Variants in PRKN observed in about 807,000 individuals in gnomAD.
PRKN encodes the protein E3 ubiquitin-protein ligase parkin.
PRKN carries 56 observed loss-of-function variants against 59.5 expected under a neutral mutation model. That is an observed-to-expected ratio of 0.94 (90% CI 0.76 to 1.18). PRKN has a LOEUF of 1.18. Among genes scored for constraint, PRKN ranks in the 50% most tolerant of loss-of-function variants. The probability of loss-of-function intolerance (pLI) is 0.00; values close to 1 mark genes in which losing one functional copy is unlikely to be tolerated. For synonymous variants in PRKN, 250 were observed against 222.1 expected, an observed-to-expected ratio of 1.13 and a Z score of -1.12; for missense variants, 657 against 596.4, an observed-to-expected ratio of 1.10 and a Z score of -1.06.
intron 6 of PRKN, among the ~76,000 whole-genome samples, chr6:161,962,052 G>A (rs375895671): frequency 2.6e-5 from 4 of 152,126 alleles, no homozygotes; most frequent in South Asian, 2.1e-4. Context: ...AACACACCAC[G>A]GCCCTTGCTG....
At chr6:161,615,611 G>A (rs971440625) in intron 7 of PRKN, among the ~76,000 whole-genome samples, 1 of 152,256 alleles carries the variant, frequency 6.6e-6, no homozygotes, top group African/African-American at 2.4e-5. Context: ...AAAGGCTGTG[G>A]CAGCAACGTG....
intron 5 of PRKN, among the ~76,000 whole-genome samples, chr6:162,016,288 C>T (rs939315657): frequency 6.6e-6 from 1 of 152,064 alleles, no homozygotes; most frequent in African/African-American, 2.4e-5. Context: ...CTTGAAAATA[C>T]AGGCCGATTA....
In PRKN at chr6:162,727,426, A is replaced by C. The variant is rs962989000; in HGVS notation, c.7+236T>G. On this transcript the variant is annotated intron_variant, in intron 1 of 11. Transcript: ENST00000366898. Reference sequence around the variant, plus strand: ...TGGCGTCCCCGTCGAGGCGGTCTTCATGAGAACGCTCAGAGCAGGGGCGGG... The same window carrying C: ...TGGCGTCCCCGTCGAGGCGGTCTTCCTGAGAACGCTCAGAGCAGGGGCGGG... 8 of 505,564 alleles carry C rather than the reference A, an allele frequency of 1.6e-5. No homozygotes were observed. In the Admixed American group the frequency reaches 3.2e-4, roughly 20 times the overall value. 31.3% of individuals were successfully genotyped at this position (505,564 alleles called of 1,614,324 possible). A position where few individuals can be genotyped will look rare whatever the true frequency, so the allele number is the denominator to read the frequency against.
chr6:162,034,632 CTT>C (rs965912500), intron 5 of PRKN, among the ~76,000 whole-genome samples: 1 of 152,184 alleles, frequency 6.6e-6, no homozygotes, highest in Non-Finnish European at 1.5e-5. Flanking sequence ...TGTTAACACA[CTT>C]TTCCAAGTAG....
intron 6 of PRKN, among the ~76,000 whole-genome samples, chr6:161,938,722 T>G (rs1036776784): frequency 1.3e-5 from 2 of 152,256 alleles, no homozygotes; most frequent in African/African-American, 4.8e-5. Flanking sequence ...TTACAGTGTT[T>G]GAGCCACTGT....
chr6:161,695,678 G>T (rs940685497), intron 7 of PRKN, among the ~76,000 whole-genome samples: 1 of 152,176 alleles, frequency 6.6e-6, no homozygotes, highest in Admixed American at 6.5e-5. Context: ...TTTCCTGTAA[G>T]TCTGAGATCT....
intron 9 of PRKN, among the ~76,000 whole-genome samples, chr6:161,425,199 A>G (rs767707867): frequency 1.3e-5 from 2 of 152,144 alleles, no homozygotes; most frequent in Non-Finnish European, 2.9e-5. Flanking sequence ...TGACCCCACT[A>G]GTCTTGGAAG....
At chr6:161,493,689 C>A (rs542499078) in intron 9 of PRKN, among the ~76,000 whole-genome samples, 21 of 152,328 alleles carry the variant, frequency 1.4e-4, no homozygotes, top group Non-Finnish European at 2.8e-4. Context: ...AGTCACTGCT[C>A]TTCTTTGAGT....
At chr6:161,725,293 AC>A (rs1355873520) in intron 7 of PRKN, among the ~76,000 whole-genome samples, 1 of 152,234 alleles carries the variant, frequency 6.6e-6, no homozygotes, top group Non-Finnish European at 1.5e-5. Flanking sequence ...AATTATAAAG[AC>A]AATGGGTAGG....
intron 1 of PRKN, among the ~76,000 whole-genome samples, chr6:162,615,784 G>T (rs1782384459): frequency 6.6e-6 from 1 of 152,166 alleles, no homozygotes. Flanking sequence ...GAGGGACGAA[G>T]AACGACTTGC....
At chr6:161,364,473 CAAAAAAAAAAAA>C (rs57773007) in intron 10 of PRKN, among the ~76,000 whole-genome samples, 5 of 37,896 alleles carry the variant, frequency 1.3e-4, no homozygotes, top group East Asian at 1.6e-3. Context: ...ACCCGCCCCG[CAAAAAAAAAAAA>C]AAAAAAAAAA....
At chr6:162,465,873 T>C (rs777305154) in intron 1 of PRKN, among the ~76,000 whole-genome samples, 1 of 152,202 alleles carries the variant, frequency 6.6e-6, no homozygotes, top group Non-Finnish European at 1.5e-5. Flanking sequence ...AACAAAGTTA[T>C]CTCAAGAACA....
chr6:162,596,487 T>C (rs1781498177), intron 1 of PRKN, among the ~76,000 whole-genome samples: 1 of 152,210 alleles, frequency 6.6e-6, no homozygotes, highest in Non-Finnish European at 1.5e-5. Context: ...CCATTAAGTG[T>C]GCAACACAGA....
intron 2 of PRKN, among the ~76,000 whole-genome samples, chr6:162,276,806 A>T (rs1327202287): frequency 6.6e-6 from 1 of 152,068 alleles, no homozygotes; most frequent in South Asian, 2.1e-4. Context: ...TTAATTCTAC[A>T]GTAGTATATA....
At chr6:161,697,212 G>A (rs897344855) in intron 7 of PRKN, among the ~76,000 whole-genome samples, 1 of 152,170 alleles carries the variant, frequency 6.6e-6, no homozygotes, top group African/African-American at 2.4e-5. Flanking sequence ...CACTTGGGAT[G>A]ACACCTTTCT....
At chr6:162,675,621 C>T (rs1323158447) in intron 1 of PRKN, among the ~76,000 whole-genome samples, 1 of 152,134 alleles carries the variant, frequency 6.6e-6, no homozygotes, top group Non-Finnish European at 1.5e-5. Context: ...CTACAACCTA[C>T]ACTAAAAGAT....
intron 9 of PRKN, among the ~76,000 whole-genome samples, chr6:161,437,542 C>T (rs996302415): frequency 2.0e-5 from 3 of 152,102 alleles, no homozygotes; most frequent in Non-Finnish European, 4.4e-5. Context: ...TGACTGGTGG[C>T]GTGGATGCCA....
intron 1 of PRKN, among the ~76,000 whole-genome samples, chr6:162,445,703 A>T (rs1790280935): frequency 2.9e-5 from 3 of 105,260 alleles, no homozygotes; most frequent in Admixed American, 9.2e-5. Context: ...AAAAAAAAAA[A>T]AAAAAAAAAA....
At chr6:162,431,522 C>T (rs942796840) in intron 2 of PRKN, among the ~76,000 whole-genome samples, 14 of 152,044 alleles carry the variant, frequency 9.2e-5, no homozygotes, top group Non-Finnish European at 1.8e-4. Flanking sequence ...CGCGCCACTG[C>T]ACTCCAGCCT....
Sources: allele counts gnomAD v4.1 joint callset (sites outside exome capture counted in the v4.1 genomes callset), GRCh38; gene constraint gnomAD v4.1.1; transcripts MANE v1.5; gene names NCBI Gene and HGNC (gene_info 2026-07-23, HGNC 2026-07-21).